The following CYP2E1 variants were observed in gnomAD, a reference collection of about 807,000 sequenced individuals.
CYP2E1 encodes the protein cytochrome P450 2E1.
In CYP2E1, 31 loss-of-function variants were observed where a neutral mutation model predicts 42.9. That is an observed-to-expected ratio of 0.72 (90% CI 0.54 to 0.98). CYP2E1 has a LOEUF of 0.98. CYP2E1 is among the 50% of genes least tolerant of loss of function. The pLI, the probability that CYP2E1 is intolerant of heterozygous loss-of-function variation, is 0.00. For synonymous variants in CYP2E1, 244 were observed against 248.9 expected, an observed-to-expected ratio of 0.98 and a Z score of 0.19; for missense variants, 565 against 633.2, an observed-to-expected ratio of 0.89 and a Z score of 1.16.
At chr10:133,533,723 C>T (rs1851365408) in intron 5 of CYP2E1, 33 bp from the exon 6 acceptor site, 2 of 1,609,808 alleles carry the variant, frequency 1.2e-6, no homozygotes, top group Admixed American at 1.7e-5. Context: ...GACAAGCAGC[C>T]CCTTCTCCTC....
At position 133,533,882 on chromosome 10, in the gene CYP2E1, T is replaced by C. The variant is rs756153015; in HGVS notation, c.952T>C (p.Tyr318His). Residue 318 changes from tyrosine to histidine, a missense_variant, in exon 6 of 9, where the codon TAC becomes CAC. Tyr to His is a moderately conservative substitution (Grantham distance 83). Transcript: ENST00000252945. ...LRYGLLILMK[Y>H]PEIEEKLHEE... ...ATATGGGCTCCTGATTCTCATGAAATACCCTGAGATCGAAGGTAGGCAAGT... is the reference window on the plus strand; with the variant it reads ...ATATGGGCTCCTGATTCTCATGAAACACCCTGAGATCGAAGGTAGGCAAGT... The C allele has an allele frequency of 1.9e-6, 3 of 1,614,080 alleles. No homozygotes were observed. Among genetic ancestry groups the C allele is most frequent in the Non-Finnish European group, 8.5e-7 (1 of 1,179,996 alleles).
intron 6 of CYP2E1, among the ~76,000 whole-genome samples, chr10:133,536,653 A>G (rs1279029357): frequency 2.2e-5 from 2 of 90,670 alleles, no homozygotes; most frequent in Non-Finnish European, 4.4e-5. Flanking sequence ...GGTTGGGTGG[A>G]TGGATGGATA....
chr10:133,537,891 A>G lies in CYP2E1; in HGVS notation c.1296A>G (p.Thr432=). Residue 432 remains threonine, a splice_region_variant and synonymous_variant, in exon 8 of 9, where the codon ACA becomes ACG. Coordinates refer to ENST00000252945, the MANE Select transcript of CYP2E1 (RefSeq NM_000773.4). The part of the protein sequence containing the change: ...KYSDYFKPFS[T]GKRVCAGEGL... Reference sequence around the variant, plus strand: ...GTGACTATTTCAAGCCATTTTCCACAGGTGAGAAAGATCAGAGGCAGTACC... The same window carrying G: ...GTGACTATTTCAAGCCATTTTCCACGGGTGAGAAAGATCAGAGGCAGTACC... The G allele has an allele frequency of 6.2e-7, 1 of 1,613,236 alleles. No individual in the cohort carries two copies. The highest frequency in any genetic ancestry group is 8.5e-7 in the Non-Finnish European group (1 of 1,179,552).
Position 133,537,068 on chromosome 10 carries a change from C to T in CYP2E1, c.973C>T (p.Leu325Phe), listed in dbSNP as rs746620834. Residue 325 changes from leucine to phenylalanine, a missense_variant, in exon 7 of 9, where the codon CTC (leucine) becomes TTC (phenylalanine). Leu to Phe is a conservative substitution (Grantham distance 22). Transcript: ENST00000252945. ...TCCCATTCATATCTTGGCAGAGAAG[C>T]TCCATGAAGAAATTGACAGGGTGAT... ...LMKYPEIEEK[L>F]HEEIDRVIGP... 6.2e-7 allele frequency: 1 copy of T among 1,613,194 alleles called. No homozygotes were observed. The highest frequency in any genetic ancestry group is 8.5e-7 in the Non-Finnish European group (1 of 1,179,466).
Position 133,533,815 on chromosome 10 carries a change from C to T in CYP2E1, c.885C>T (p.Asp295=), listed in dbSNP as rs201925769. 3.1e-6 allele frequency: 5 copies of T among 1,614,160 alleles called. No individual in the cohort carries two copies. Among genetic ancestry groups the T allele is most frequent in the South Asian group, 2.2e-5 (2 of 91,082 alleles). Residue 295 remains aspartate, a synonymous_variant, in exon 6 of 9, where the codon GAC becomes GAT. Transcript: ENST00000252945. ...ACGGTATCACCGTGACTGTGGCCGA[C>T]CTGTTCTTTGCGGGGACAGAGACCA... ...TMDGITVTVA[D]LFFAGTETTS...
intron 3 of CYP2E1, 62 bp downstream of exon 3, chr10:133,531,796 G>A (rs1851341193): frequency 2.0e-6 from 3 of 1,498,658 alleles, no homozygotes; most frequent in Non-Finnish European, 2.7e-6. Context: ...GGGGAGCCCT[G>A]GCTGGGACTC....
At chr10:133,529,593 A>C (rs938364474) in intron 2 of CYP2E1, among the ~76,000 whole-genome samples, 3 of 152,260 alleles carry the variant, frequency 2.0e-5, no homozygotes, top group African/African-American at 7.2e-5. Flanking sequence ...TCCAGCGTAC[A>C]TTTCTGAACA....
Position 133,532,799 on chromosome 10 carries a change from G to A in CYP2E1, c.756G>A (p.Glu252=), listed in dbSNP as rs978002991. 3.7e-6 allele frequency: 6 copies of A among 1,613,332 alleles called. No homozygotes were observed. Among genetic ancestry groups the A allele is most frequent in the Admixed American group, 1.7e-5 (1 of 59,938 alleles). The stretch of plus-strand genomic sequence containing the variant: ...AGTATGTGTCTGAAAGGGTGAAGGA[G>A]CACCATCAATCTCTGGACCCCAACT... ...VKEYVSERVK[E]HHQSLDPNCP... The change falls in exon 5 of 9, where the codon GAG becomes GAA. Residue 252 remains glutamate (E), a synonymous_variant. Transcript: ENST00000252945.
chr10:133,529,139 C>T (rs903356314), intron 2 of CYP2E1, among the ~76,000 whole-genome samples: 11 of 152,206 alleles, frequency 7.2e-5, no homozygotes, highest in African/African-American at 2.7e-4. Context: ...GTCCTGAGAC[C>T]GGGAAGGGGG....
chr10:133,527,661 G>T, intron 1 of CYP2E1, 89 bp downstream of exon 1: 9 of 1,083,030 alleles, frequency 8.3e-6, no homozygotes, highest in Non-Finnish European at 6.9e-6. Context: ...ACAAATTGTG[G>T]TTGTTCAATA....
intron 2 of CYP2E1, 49 bp downstream of exon 2, chr10:133,528,689 G>A (rs957099433): frequency 1.4e-5 from 23 of 1,602,684 alleles, no homozygotes; most frequent in Non-Finnish European, 2.0e-5. Flanking sequence ...ACACGCCCCG[G>A]GACAGTTACG....
rs939109597 is a variant in CYP2E1 at position 133,532,428 on chromosome 10, T to C, written c.648+144T>C. 7.0e-6 allele frequency: 6 copies of C among 860,624 alleles called. No homozygotes were observed. The African/African-American group carries it at 1.0e-4, about 15-fold the overall frequency. 53.3% of individuals were successfully genotyped at this position (860,624 alleles called of 1,614,324 possible). A position where few individuals can be genotyped will look rare whatever the true frequency, so the allele number is the denominator to read the frequency against. On this transcript the variant is annotated intron_variant, in intron 4 of 8. Transcript: ENST00000252945. ...GGGGTGTTTGATTAGACAGCCCAAA[T>C]ATTCCTCCCAGAGACATCTCTGGGG...
chr10:133,533,791 C>T lies in CYP2E1; in HGVS notation c.861C>T (p.Asp287=), dbSNP rs527959204. The T allele has an allele frequency of 9.9e-6, 16 of 1,614,178 alleles. No homozygotes were observed. Among genetic ancestry groups the T allele is most frequent in the African/African-American group, 5.3e-5 (4 of 75,046 alleles). Residue 287 remains aspartate, a synonymous_variant, in exon 6 of 9, where the codon GAC becomes GAT. Coordinates refer to ENST00000252945, the MANE Select transcript of CYP2E1 (RefSeq NM_000773.4). ...GTGCAGAGCGCTTGTACACAATGGA[C>T]GGTATCACCGTGACTGTGGCCGACC... is the stretch of plus-strand genomic sequence containing the variant. ...KHSAERLYTM[D]GITVTVADLF...
intron 2 of CYP2E1, among the ~76,000 whole-genome samples, 190 bp downstream of exon 2, chr10:133,528,830 C>T (rs1188684083): frequency 6.6e-6 from 1 of 152,246 alleles, no homozygotes; most frequent in Non-Finnish European, 1.5e-5. Flanking sequence ...CGCACTGAGT[C>T]GCCCAGGAAT....
At chr10:133,538,582 G>T (rs9629959) in intron 8 of CYP2E1, among the ~76,000 whole-genome samples, 198 bp from the exon 9 acceptor site, 1,954 of 152,070 alleles carry the variant, frequency 0.013, no homozygotes, top group African/African-American at 0.045. Flanking sequence ...ACTGGTCCCC[G>T]AATTAGTCAG....
intron 5 of CYP2E1, 107 bp from the exon 6 acceptor site, chr10:133,533,649 C>T (rs543106465): frequency 7.7e-7 from 1 of 1,292,006 alleles, no homozygotes; most frequent in East Asian, 2.3e-5. Flanking sequence ...CTGGGAGAGC[C>T]TCTTGGACAC....
At position 133,528,650 on chromosome 10, in the gene CYP2E1, C is replaced by A. The variant is rs1162784759; in HGVS notation, c.337+10C>A. The A allele has an allele frequency of 6.2e-7, 1 of 1,612,674 alleles. No individual in the cohort carries two copies. Among genetic ancestry groups the A allele is most frequent in the African/African-American group, 1.3e-5 (1 of 75,044 alleles). On this transcript the variant is annotated intron_variant, in intron 2 of 8. Transcript: ENST00000252945. Reference sequence around the variant, plus strand: ...GCGCACAGGGACAGGGGTGAGTCCGCGTCCCTGGCACGGAGCGGGGGGTGC... The same window carrying A: ...GCGCACAGGGACAGGGGTGAGTCCGAGTCCCTGGCACGGAGCGGGGGGTGC...
At chr10:133,528,894 C>A (rs892825270) in intron 2 of CYP2E1, among the ~76,000 whole-genome samples, 15 of 152,340 alleles carry the variant, frequency 9.8e-5, no homozygotes, top group Admixed American at 5.2e-4. Flanking sequence ...GGGGCTGCTT[C>A]TGAGCAGGAG....
At chr10:133,532,953 C>G in intron 5 of CYP2E1, 85 bp downstream of exon 5, 1 of 1,312,474 alleles carries the variant, frequency 7.6e-7, no homozygotes, top group Non-Finnish European at 1.0e-6. Flanking sequence ...GCTGCACTTG[C>G]TGGTGTCCAG....
Sources: allele counts gnomAD v4.1 joint callset (sites outside exome capture counted in the v4.1 genomes callset), GRCh38; gene constraint gnomAD v4.1.1; transcripts MANE v1.5; gene names NCBI Gene and HGNC (gene_info 2026-07-23, HGNC 2026-07-21).